Variants in CUZD1 observed in about 807,000 individuals in gnomAD.
CUZD1 encodes CUB and zona pellucida-like domain-containing protein 1.
CUZD1 carries 42 observed loss-of-function variants against 53.1 expected under a neutral mutation model. The observed-to-expected ratio is 0.79, with a 90% confidence interval of 0.62 to 1.02. The LOEUF (loss-of-function observed/expected upper bound fraction) is 1.02, where lower values mean the gene tolerates loss of function less well. CUZD1 is among the 50% of genes least tolerant of loss of function. The pLI, the probability that CUZD1 is intolerant of heterozygous loss-of-function variation, is 0.00. For missense variants in CUZD1, 670 were observed against 715.7 expected (o/e 0.94, Z 0.73); for synonymous variants, 238 against 257.2 (o/e 0.93, Z 0.71).
chr10:122,833,063 C>T (rs546968647), intron 8 of CUZD1, among the ~76,000 whole-genome samples: 2 of 152,260 alleles, frequency 1.3e-5, no homozygotes, highest in East Asian at 1.9e-4. Context: ...TCATAAGGTC[C>T]TTTAATGCCA....
chr10:122,839,069 T>C lies in CUZD1; in HGVS notation c.396A>G (p.Ala132=), dbSNP rs764462252. ...TLTFQIVTDS[A]RIQRTVFVFY... is the part of the protein sequence containing the mutation. ...AGACAAAGACAGTTCTTTGAATTCT[T>C]GCTGAGTCAGTAACTATTTGAAACG... is the stretch of plus-strand genomic sequence containing the variant. Residue 132 remains alanine (A), a synonymous_variant, in exon 3 of 9, where the codon GCA becomes GCG. Coordinates refer to ENST00000392790, the MANE Select transcript of CUZD1 (RefSeq NM_022034.6). The C allele has an allele frequency of 5.6e-6, 9 of 1,614,064 alleles. No homozygotes were observed.
At chr10:122,832,799 A>AT (rs35240594) in intron 8 of CUZD1, among the ~76,000 whole-genome samples, 5 of 152,044 alleles carry the variant, frequency 3.3e-5, no homozygotes, top group Non-Finnish European at 7.4e-5. Flanking sequence ...GAAAAAAAAA[A>AT]TTTGTTCATT....
At chr10:122,845,493 T>C (rs1014563133) in intron 1 of CUZD1, among the ~76,000 whole-genome samples, 1 of 152,226 alleles carries the variant, frequency 6.6e-6, no homozygotes, top group African/African-American at 2.4e-5. Context: ...TACATATATC[T>C]TTGGACACTT....
At chr10:122,837,141 G>C in intron 4 of CUZD1, 93 bp from the exon 5 acceptor site, 1 of 1,087,596 alleles carries the variant, frequency 9.2e-7, no homozygotes, top group Non-Finnish European at 1.3e-6. Flanking sequence ...AGTGATTATG[G>C]ATTTTTTTTT....
At position 122,837,447 on chromosome 10, in the gene CUZD1, C is replaced by G. The variant is rs768363291; in HGVS notation, c.556G>C (p.Val186Leu). ...ELAYCVWHIQ[V>L]EKDYKIKLNF... ...AGTTTTATCTTGTAATCTTTCTCCA[C>G]TTGTATGTGCCACACACAATAAGCC... Residue 186 changes from valine (V) to leucine (L), a missense_variant, in exon 4 of 9, where the codon GTG (valine) becomes CTG (leucine). Transcript: ENST00000392790. 2 of 1,613,958 alleles carry G rather than the reference C, an allele frequency of 1.2e-6. No homozygotes were observed. The highest frequency in any genetic ancestry group is 2.7e-5 in the African/African-American group (2 of 74,910).
chr10:122,842,813 A>C (rs1847364814), intron 1 of CUZD1, among the ~76,000 whole-genome samples: 1 of 152,232 alleles, frequency 6.6e-6, no homozygotes, highest in African/African-American at 2.4e-5. Context: ...ACCAGAATAG[A>C]CATTTTTCCA....
chr10:122,839,026 G>A lies in CUZD1; in HGVS notation c.439C>T (p.Pro147Ser), dbSNP rs371179428. ...GTAAATGAGGACTTACAGATGTTAG[G>A]AGAGAAGAAGTAGTAGAAGACAAAG... ...TVFVFYYFFSPNISIPNCGGY... is the reference protein window; with the variant it reads ...TVFVFYYFFSSNISIPNCGGY... The change falls in exon 3 of 9, where the codon CCT (proline) becomes TCT (serine). Residue 147 changes from proline (P) to serine (S), a missense_variant. Coordinates refer to ENST00000392790, the MANE Select transcript of CUZD1 (RefSeq NM_022034.6). The A allele has an allele frequency of 6.2e-7, 1 of 1,613,134 alleles. No individual in the cohort carries two copies. The highest frequency in any genetic ancestry group is 1.3e-5 in the African/African-American group (1 of 75,002).
In CUZD1 at chr10:122,833,770, G is replaced by T; in HGVS notation, c.1553C>A (p.Ser518Tyr). 6.2e-7 allele frequency: 1 copy of T among 1,613,930 alleles called. No individual in the cohort carries two copies. Residue 518 changes from serine to tyrosine, a missense_variant, in exon 8 of 9, where the codon TCC (serine) becomes TAC (tyrosine). Ser to Tyr is a moderately radical substitution (Grantham distance 144, BLOSUM62 -2). Transcript: ENST00000392790. ...TGAAGAAATGTCTCGTTTGCTTCTG[G>T]AGACACAACCTTGATTGCAGCGAGA... ...HQSRCNQGCVSRSKRDISSYK... is the reference protein window; with the variant it reads ...HQSRCNQGCVYRSKRDISSYK...
intron 1 of CUZD1, among the ~76,000 whole-genome samples, chr10:122,844,044 GGACA>G (rs1566239387): frequency 1.3e-5 from 2 of 148,740 alleles, no homozygotes; most frequent in Non-Finnish European, 3.0e-5. Context: ...ATAGAGAGAG[GGACA>G]GACAGAGTCT....
chr10:122,845,700 A>G, intron 1 of CUZD1, 62 bp downstream of exon 1: 5 of 1,446,508 alleles, frequency 3.5e-6, no homozygotes, highest in African/African-American at 1.4e-5. Flanking sequence ...AAATTTTGAA[A>G]GAGGCCTCTT....
intron 2 of CUZD1, among the ~76,000 whole-genome samples, chr10:122,839,865 T>C (rs1847310324): frequency 6.6e-6 from 1 of 152,208 alleles, no homozygotes; most frequent in South Asian, 2.1e-4. Context: ...GGGTTCTCTT[T>C]CCACTTTAGT....
At chr10:122,841,479 A>T (rs1847345474) in intron 1 of CUZD1, 151 bp from the exon 2 acceptor site, 1 of 677,712 alleles carries the variant, frequency 1.5e-6, no homozygotes, top group Admixed American at 3.4e-5. Context: ...AGTCAAAAGC[A>T]GTTGATTTCT....
Position 122,836,315 on chromosome 10 carries a change from TA to T in CUZD1, c.852del (p.Ile285LeufsTer2), listed in dbSNP as rs1847249239. The T allele has an allele frequency of 6.3e-7, 1 of 1,595,112 alleles. No homozygotes were observed. Among genetic ancestry groups the T allele is most frequent in the African/African-American group, 1.4e-5 (1 of 71,612 alleles). On this transcript the variant is annotated frameshift_variant, in exon 6 of 9. Coordinates refer to ENST00000392790, the MANE Select transcript of CUZD1 (RefSeq NM_022034.6). LOFTEE classifies it high-confidence loss of function. ...GCCTCTAGGTAGGATTTGCTTATAA[TA>T]ACTCTCATCCTGTCAGAAGAGCAAG... Reference protein sequence around the residue: ...SLTCSSDRMRVIISKSYLEAF... With the variant: ...SLTCSSDRMRXIISKSYLEAF...
intron 1 of CUZD1, among the ~76,000 whole-genome samples, chr10:122,844,019 T>A (rs1847390965): frequency 6.7e-6 from 1 of 148,424 alleles, no homozygotes; most frequent in Non-Finnish European, 1.5e-5. Context: ...AGACTATATA[T>A]AAATATATAT....
chr10:122,839,757 G>T (rs118017870), intron 2 of CUZD1, among the ~76,000 whole-genome samples: 35 of 152,232 alleles, frequency 2.3e-4, no homozygotes, highest in Non-Finnish European at 2.9e-4. Flanking sequence ...GACAGCCCAG[G>T]GTTGTAGTTT....
At chr10:122,839,388 CAACAT>C (rs1847301563) in intron 2 of CUZD1, among the ~76,000 whole-genome samples, 157 bp from the exon 3 acceptor site, 1 of 152,224 alleles carries the variant, frequency 6.6e-6, no homozygotes, top group Non-Finnish European at 1.5e-5. Context: ...CCACCATCCT[CAACAT>C]CAAACCACAA....
In CUZD1 at chr10:122,835,073, TGTAA is replaced by T; in HGVS notation, c.1011_1014del (p.Tyr338ProfsTer3). 1.9e-6 allele frequency: 3 copies of T among 1,585,596 alleles called. No homozygotes were observed. The highest frequency in any genetic ancestry group is 2.6e-6 in the Non-Finnish European group (3 of 1,166,060). ...GATGCAGAAAAGGTGATTATATTGGTGTAAGTAATTGACTGATCTTCTACCTGCA... is the reference window on the plus strand; with the variant it reads ...GATGCAGAAAAGGTGATTATATTGGTGTAATTGACTGATCTTCTACCTGCA... On this transcript the variant is annotated frameshift_variant, in exon 7 of 9. Coordinates refer to ENST00000392790, the MANE Select transcript of CUZD1 (RefSeq NM_022034.6). LOFTEE classifies it high-confidence loss of function.
At position 122,834,715 on chromosome 10, in the gene CUZD1, A is replaced by G. The variant is rs1335599856; in HGVS notation, c.1373T>C (p.Ile458Thr). 6.3e-7 allele frequency: 1 copy of G among 1,599,112 alleles called. No individual in the cohort carries two copies. Among genetic ancestry groups the G allele is most frequent in the Non-Finnish European group, 8.5e-7 (1 of 1,172,028 alleles). Residue 458 changes from isoleucine (I) to threonine (T), a missense_variant, in exon 7 of 9, where the codon ATC (isoleucine) becomes ACC (threonine). Coordinates refer to ENST00000392790, the MANE Select transcript of CUZD1 (RefSeq NM_022034.6). ...SDFASPTYDL[I>T]KSGCSRDETC... ...TTACATTAATACATACCCACTCTTG[A>G]TTAGGTCGTAGGTTGGAGATGCAAA...
At position 122,836,856 on chromosome 10, in the gene CUZD1, T is replaced by C; in HGVS notation, c.792A>G (p.Ser264=). Residue 264 remains serine, a synonymous_variant, in exon 5 of 9, where the codon TCA becomes TCG. Coordinates refer to ENST00000392790, the MANE Select transcript of CUZD1 (RefSeq NM_022034.6). ...TAGTGTTGATGTTTTCTGCATAAAT[T>C]GAGGTGTAGGAAGCAGAAAATCCCC... ...SYRGFSASYT[S]IYAENINTTS... 1 of 1,613,210 alleles carries C rather than the reference T, an allele frequency of 6.2e-7. No homozygotes were observed.
Sources: allele counts gnomAD v4.1 joint callset (sites outside exome capture counted in the v4.1 genomes callset), GRCh38; gene constraint gnomAD v4.1.1; transcripts MANE v1.5; gene names NCBI Gene and HGNC (gene_info 2026-07-23, HGNC 2026-07-21).